Variants in EHBP1 observed in about 807,000 individuals in gnomAD.
EHBP1 encodes EH domain binding protein 1, also known as EH domain-binding protein 1.
In EHBP1, 55 loss-of-function variants were observed where a neutral mutation model predicts 144.0. That is an observed-to-expected ratio of 0.38 (90% CI 0.31 to 0.48). EHBP1 has a LOEUF of 0.48. EHBP1 is among the 20% of genes least tolerant of loss of function. The pLI is 0.98. For missense variants in EHBP1, 1,200 were observed against 1,364.2 expected, an observed-to-expected ratio of 0.88 and a Z score of 1.90; for synonymous variants, 469 against 472.7, an observed-to-expected ratio of 0.99 and a Z score of 0.10.
intron 7 of EHBP1, among the ~76,000 whole-genome samples, chr2:62,835,907 G>A (rs1452685832): frequency 6.6e-6 from 1 of 152,114 alleles, no homozygotes; most frequent in Non-Finnish European, 1.5e-5. Flanking sequence ...TGGCAGCGAG[G>A]CTGGGGGAGG....
upstream of EHBP1, among the ~76,000 whole-genome samples, chr2:62,701,157 G>A (rs2034269645): frequency 6.6e-6 from 1 of 152,068 alleles, no homozygotes; most frequent in Non-Finnish European, 1.5e-5. Flanking sequence ...ACTATTGTCT[G>A]TAACAGCACT....
chr2:63,013,768 G>A (rs749978458), intron 19 of EHBP1, among the ~76,000 whole-genome samples: 4 of 152,150 alleles, frequency 2.6e-5, no homozygotes, highest in East Asian at 1.9e-4. Context: ...TTCAGTGGAC[G>A]CACTCGTTGA....
At chr2:63,010,783 T>TTA (rs1425868285) in intron 19 of EHBP1, among the ~76,000 whole-genome samples, 1 of 151,762 alleles carries the variant, frequency 6.6e-6, no homozygotes. Flanking sequence ...ACCATGAACA[T>TTA]TATACGTTCA....
At chr2:62,970,707 CA>C (rs1434378845) in intron 14 of EHBP1, among the ~76,000 whole-genome samples, 1 of 152,066 alleles carries the variant, frequency 6.6e-6, no homozygotes, top group Non-Finnish European at 1.5e-5. Flanking sequence ...TCTTAAGATC[CA>C]AAGGCTGCTG....
intron 2 of EHBP1, among the ~76,000 whole-genome samples, chr2:62,735,361 C>T (rs2038025395): frequency 6.6e-6 from 1 of 151,784 alleles, no homozygotes; most frequent in East Asian, 1.9e-4. Flanking sequence ...AACACTGTAC[C>T]TTTCTACAGG....
intron 2 of EHBP1, among the ~76,000 whole-genome samples, chr2:62,742,137 G>A (rs193119715): frequency 2.2e-4 from 33 of 152,216 alleles, no homozygotes; most frequent in Admixed American, 2.1e-3. Flanking sequence ...TATGTAGTAG[G>A]TTGTACTGTC....
intron 19 of EHBP1, among the ~76,000 whole-genome samples, chr2:63,005,621 C>T (rs932636189): frequency 1.4e-4 from 22 of 151,982 alleles, no homozygotes; most frequent in African/African-American, 5.3e-4. Context: ...ACTAAATTAA[C>T]AAAGCCTATT....
At chr2:63,044,956 T>A in intron 21 of EHBP1, 110 bp from the exon 22 acceptor site, 1 of 752,266 alleles carries the variant, frequency 1.3e-6, no homozygotes, top group South Asian at 1.8e-5. Flanking sequence ...GGCTCTATAA[T>A]GTGGTTTGCT....
At chr2:62,956,583 C>T (rs2057708043) in intron 14 of EHBP1, among the ~76,000 whole-genome samples, 1 of 150,700 alleles carries the variant, frequency 6.6e-6, no homozygotes, top group Non-Finnish European at 1.5e-5. Flanking sequence ...GGCATGGTGA[C>T]TTATGCCTGT....
chr2:62,832,611 A>G (rs1315441201), intron 7 of EHBP1, among the ~76,000 whole-genome samples: 1 of 151,464 alleles, frequency 6.6e-6, no homozygotes, highest in Non-Finnish European at 1.5e-5. Context: ...CTTTTTCATT[A>G]TTATTATATC....
intron 10 of EHBP1, among the ~76,000 whole-genome samples, chr2:62,927,603 T>C (rs941676956): frequency 5.3e-5 from 8 of 152,084 alleles, no homozygotes; most frequent in Non-Finnish European, 8.8e-5. Flanking sequence ...TAACTGACCA[T>C]CAAAATATCT....
chr2:62,832,982 T>C (rs2046939788), intron 7 of EHBP1, among the ~76,000 whole-genome samples: 1 of 152,110 alleles, frequency 6.6e-6, no homozygotes, highest in Non-Finnish European at 1.5e-5. Flanking sequence ...GTTAAACAAG[T>C]TGTGAATGCA....
chr2:62,771,269 T>C, intron 4 of EHBP1, 70 bp from the exon 5 acceptor site: 1 of 1,185,930 alleles, frequency 8.4e-7, no homozygotes, highest in Non-Finnish European at 1.2e-6. Context: ...CTATATGTAT[T>C]TTCTTAATTG....
intron 5 of EHBP1, among the ~76,000 whole-genome samples, chr2:62,802,719 CTTTT>C (rs573491673): frequency 8.7e-6 from 1 of 115,604 alleles, no homozygotes. Flanking sequence ...TGGGATCATA[CTTTT>C]TTTTTTTTTT....
chr2:62,885,470 A>G (rs553420076), intron 10 of EHBP1, among the ~76,000 whole-genome samples: 1 of 152,338 alleles, frequency 6.6e-6, no homozygotes, highest in Non-Finnish European at 1.5e-5. Flanking sequence ...CCATCCAGTA[A>G]AATAAGTTAG....
At chr2:62,977,869 G>A (rs1324757396) in intron 14 of EHBP1, among the ~76,000 whole-genome samples, 1 of 152,168 alleles carries the variant, frequency 6.6e-6, no homozygotes, top group African/African-American at 2.4e-5. Flanking sequence ...GAAATGGTTG[G>A]GGGGATAGTC....
At chr2:62,884,735 T>C (rs574125931) in intron 10 of EHBP1, among the ~76,000 whole-genome samples, 5 of 152,330 alleles carry the variant, frequency 3.3e-5, no homozygotes, top group African/African-American at 9.6e-5. Context: ...AGTTGGAAAG[T>C]AGTACAGGAC....
At chr2:62,858,910 TA>T (rs1233169970) in intron 7 of EHBP1, among the ~76,000 whole-genome samples, 1 of 152,208 alleles carries the variant, frequency 6.6e-6, no homozygotes, top group East Asian at 1.9e-4. Context: ...TGGCTCAAAT[TA>T]AATTGACATG....
At chr2:62,741,811 C>T (rs1477917724) in intron 2 of EHBP1, among the ~76,000 whole-genome samples, 1 of 151,878 alleles carries the variant, frequency 6.6e-6, no homozygotes, top group Non-Finnish European at 1.5e-5. Flanking sequence ...AATATAATAA[C>T]AAAAAATAAT....
Sources: gnomAD v4.1 joint callset for allele counts (sites outside exome capture counted in the v4.1 genomes callset) on GRCh38, gnomAD v4.1.1 for gene constraint, MANE v1.5 for transcripts, NCBI Gene and HGNC (gene_info 2026-07-23, HGNC 2026-07-21) for gene names.